CYP24A1: variants seen among roughly 807,000 people sequenced by gnomAD.
CYP24A1 encodes cytochrome P450 family 24 subfamily A member 1, also known as 1,25-dihydroxyvitamin D(3) 24-hydroxylase, mitochondrial.
A neutral mutation model predicts 62.4 loss-of-function variants in CYP24A1; 68 were observed. The ratio of observed to expected loss-of-function variants is 1.09; its 90% confidence interval spans 0.90 to 1.33. The LOEUF (loss-of-function observed/expected upper bound fraction) is 1.33, where lower values mean the gene tolerates loss of function less well. Among genes scored for constraint, CYP24A1 ranks in the 40% most tolerant of loss-of-function variants. CYP24A1 has a pLI of 0.00. For synonymous variants in CYP24A1, 267 were observed against 253.0 expected, an observed-to-expected ratio of 1.06 and a Z score of -0.52; for missense variants, 787 against 653.0, an observed-to-expected ratio of 1.21 and a Z score of -2.24.
intron 8 of CYP24A1, among the ~76,000 whole-genome samples, chr20:54,158,505 A>G (rs1269931762): frequency 6.6e-6 from 1 of 152,210 alleles, no homozygotes; most frequent in Non-Finnish European, 1.5e-5. Flanking sequence ...CTCTTCACAA[A>G]GTTGACAGTA....
In CYP24A1 at chr20:54,169,727, C is replaced by T. The variant is rs188695430; in HGVS notation, c.544-39G>A. 1.1e-3 allele frequency: 1,710 copies of T among 1,612,588 alleles called. 2 individuals carry two copies. The highest frequency in any genetic ancestry group is 1.4e-3 in the Non-Finnish European group (1,640 of 1,179,390). ...AACCGCAAAAGACACATTTTAAAGC[C>T]GTTGAAGGAAAACAAAACTTTAAAG... On this transcript the variant is annotated intron_variant, in intron 3 of 11. Coordinates refer to ENST00000216862, the MANE Select transcript of CYP24A1 (RefSeq NM_000782.5).
downstream of CYP24A1, among the ~76,000 whole-genome samples, chr20:54,149,587 A>T (rs1427218479): frequency 6.6e-6 from 1 of 152,222 alleles, no homozygotes; most frequent in African/African-American, 2.4e-5. Flanking sequence ...GAATTCCTCA[A>T]CGTTTGTAGC....
intron 8 of CYP24A1, 35 bp from the exon 9 acceptor site, chr20:54,158,199 A>G: frequency 6.2e-7 from 1 of 1,612,346 alleles, no homozygotes; most frequent in Non-Finnish European, 8.5e-7. Flanking sequence ...AAAGGTGAGC[A>G]CAGTCTAAGT....
downstream of CYP24A1, among the ~76,000 whole-genome samples, chr20:54,152,321 C>A (rs911180080): frequency 7.9e-5 from 12 of 152,214 alleles, no homozygotes; most frequent in African/African-American, 2.9e-4. Flanking sequence ...GGAGAACAAA[C>A]TGAGCTGCAA....
intron 7 of CYP24A1, among the ~76,000 whole-genome samples, chr20:54,159,497 C>G (rs370010856): frequency 6.0e-5 from 9 of 151,058 alleles, no homozygotes; most frequent in Admixed American, 2.0e-4. Flanking sequence ...TGGGTTCAAG[C>G]GATTCTCCTG....
At chr20:54,155,067 T>C (rs897436726) in intron 11 of CYP24A1, 4 of 149,890 alleles carry the variant, frequency 2.7e-5, no homozygotes, top group Admixed American at 6.7e-5. Flanking sequence ...ACTTAAAAGG[T>C]GTGGCTTACT....
chr20:54,168,907 CTCTT>C (rs2092684044), intron 4 of CYP24A1, among the ~76,000 whole-genome samples: 1 of 143,030 alleles, frequency 7.0e-6, no homozygotes, highest in South Asian at 2.3e-4. Context: ...CTGTCTCTCT[CTCTT>C]TCTTGAGACG....
intron 3 of CYP24A1, 28 bp from the exon 4 acceptor site, chr20:54,169,716 C>T (rs567646287): frequency 1.2e-6 from 2 of 1,613,576 alleles, no homozygotes; most frequent in African/African-American, 1.3e-5. Context: ...GCAAAAGACA[C>T]ATTTTAAAGC....
chr20:54,167,298 C>A (rs1330877367), intron 4 of CYP24A1, among the ~76,000 whole-genome samples: 1 of 152,146 alleles, frequency 6.6e-6, no homozygotes, highest in South Asian at 2.1e-4. Context: ...GGCAGGTACA[C>A]CACTGGGAAT....
intron 7 of CYP24A1, 83 bp from the exon 8 acceptor site, chr20:54,159,206 C>T: frequency 9.6e-7 from 1 of 1,040,672 alleles, no homozygotes; most frequent in Non-Finnish European, 1.5e-6. Context: ...GTGATGCCCA[C>T]CACCTTATTC....
intron 11 of CYP24A1, among the ~76,000 whole-genome samples, chr20:54,155,345 A>G (rs2092623737): frequency 2.0e-5 from 3 of 152,168 alleles, no homozygotes; most frequent in Non-Finnish European, 4.4e-5. Context: ...ATTTTTTTCT[A>G]GGAAAATCCT....
In CYP24A1 at chr20:54,159,800, C is replaced by T. The variant is rs984393213; in HGVS notation, c.991-677G>A. Among the ~76,000 whole-genome samples, 9 of 152,260 alleles carry T rather than the reference C, an allele frequency of 5.9e-5. No individual in the cohort carries two copies. The East Asian group carries it at 1.5e-3, about 26-fold the overall frequency. ...AATGCCAATTTTCAGATTGTGACAA[C>T]GTTTTCTCGTTAGACAGGACATTAC... On this transcript the variant is annotated intron_variant, in intron 7 of 11. Transcript: ENST00000216862.
chr20:54,159,187 G>C lies in CYP24A1; in HGVS notation c.991-64C>G, dbSNP rs1326283519. Reference sequence around the variant, plus strand: ...TAACTGCATTAAACCACTATTAGCTGAAAAAAAGGTGATGCCCACCACCTT... The same window carrying C: ...TAACTGCATTAAACCACTATTAGCTCAAAAAAAGGTGATGCCCACCACCTT... On this transcript the variant is annotated intron_variant, in intron 7 of 11. Coordinates refer to ENST00000216862, the MANE Select transcript of CYP24A1 (RefSeq NM_000782.5). The C allele has an allele frequency of 4.5e-6, 6 of 1,340,690 alleles. No homozygotes were observed. In the African/African-American group the frequency reaches 5.8e-5, roughly 13 times the overall value. 83.0% of individuals were successfully genotyped at this position (1,340,690 alleles called of 1,614,324 possible).
At position 54,172,902 on chromosome 20, in the gene CYP24A1, G is replaced by T. The variant is rs747100687; in HGVS notation, c.449+7C>A. 1.2e-6 allele frequency: 2 copies of T among 1,613,614 alleles called. No individual in the cohort carries two copies. Among genetic ancestry groups the T allele is most frequent in the Admixed American group, 3.3e-5 (2 of 60,026 alleles). ...CCGCATGCCCAGGTCCCTCGGATTGGACTCACAGGATCAGCAGCCCGTAGC... is the reference window on the plus strand; with the variant it reads ...CCGCATGCCCAGGTCCCTCGGATTGTACTCACAGGATCAGCAGCCCGTAGC... On this transcript the variant is annotated splice_region_variant and intron_variant, in intron 2 of 11. Coordinates refer to ENST00000216862, the MANE Select transcript of CYP24A1 (RefSeq NM_000782.5).
chr20:54,163,096 T>C (rs771769230), intron 6 of CYP24A1, among the ~76,000 whole-genome samples: 8 of 152,234 alleles, frequency 5.3e-5, no homozygotes, highest in Non-Finnish European at 8.8e-5. Flanking sequence ...AGGAGTCACC[T>C]AGGCATCTTC....
At chr20:54,147,476 G>A in the CYP24A1 span, among the ~76,000 whole-genome samples, 1 of 152,330 alleles carries the variant, frequency 6.6e-6, no homozygotes, top group South Asian at 2.1e-4. Context: ...CCCTGCCCCA[G>A]AAAGGATTAG....
intron 8 of CYP24A1, among the ~76,000 whole-genome samples, chr20:54,158,620 G>A (rs6091825): frequency 0.29 from 44,222 of 152,066 alleles, 7,351 homozygotes; most frequent in East Asian, 0.61. Flanking sequence ...AGCTTTCTCT[G>A]TGTCCTATTA....
Position 54,158,152 on chromosome 20 carries a change from A to G in CYP24A1, c.1170T>C (p.Ser390=). Residue 390 remains serine, a synonymous_variant, in exon 9 of 12, where the codon AGT becomes AGC. Transcript: ENST00000216862. Reference sequence around the variant, plus strand: ...CAAGAGTCCGAGTTGTAAATGGTACACTCGGCGTAAGCCTGAAAAGATAAA... The same window carrying G: ...CAAGAGTCCGAGTTGTAAATGGTACGCTCGGCGTAAGCCTGAAAAGATAAA... The part of the protein sequence containing the change: ...CLKESMRLTP[S]VPFTTRTLDK... 1 of 1,614,002 alleles carries G rather than the reference A, an allele frequency of 6.2e-7. No homozygotes were observed. The highest frequency in any genetic ancestry group is 8.5e-7 in the Non-Finnish European group (1 of 1,180,014).
chr20:54,155,885 A>T (rs1368426084), intron 11 of CYP24A1, among the ~76,000 whole-genome samples: 1 of 150,658 alleles, frequency 6.6e-6, no homozygotes, highest in Non-Finnish European at 1.5e-5. Flanking sequence ...ACTCAGGACG[A>T]GGCCAACATA....
Sources: allele counts gnomAD v4.1 joint callset (sites outside exome capture counted in the v4.1 genomes callset), GRCh38; gene constraint gnomAD v4.1.1; transcripts MANE v1.5; gene names NCBI Gene and HGNC (gene_info 2026-07-23, HGNC 2026-07-21).